The following ANKRD26 variants were observed in gnomAD, a reference collection of about 807,000 sequenced individuals.
ANKRD26 encodes the protein ankyrin repeat domain-containing protein 26.
In ANKRD26, 141 loss-of-function variants were observed where a neutral mutation model predicts 208.7. That is an observed-to-expected ratio of 0.68 (90% CI 0.59 to 0.78). The LOEUF is 0.78. ANKRD26 is among the 30% of genes least tolerant of loss of function. The pLI is 0.00. For missense variants in ANKRD26, 1,889 were observed against 1,938.7 expected (o/e 0.97, Z 0.48); for synonymous variants, 636 against 660.4 (o/e 0.96, Z 0.57).
chr10:27,018,285 C>G (rs1056464634), intron 29 of ANKRD26, among the ~76,000 whole-genome samples: 2 of 151,880 alleles, frequency 1.3e-5, no homozygotes, highest in African/African-American at 2.4e-5. Flanking sequence ...CAGGCACCCA[C>G]CACCAGGCCC....
downstream of ANKRD26, among the ~76,000 whole-genome samples, chr10:26,989,041 C>T (rs1465897272): frequency 6.6e-6 from 1 of 152,046 alleles, no homozygotes; most frequent in Non-Finnish European, 1.5e-5. Flanking sequence ...ATGATAGGGA[C>T]AATTCCATCT....
At chr10:26,989,629 A>G (rs2052450710), downstream of ANKRD26, among the ~76,000 whole-genome samples, 1 of 152,126 alleles carries the variant, frequency 6.6e-6, no homozygotes, top group Non-Finnish European at 1.5e-5. Context: ...GGGTTCCCCT[A>G]CCTGTTACTG....
At chr10:26,963,719 T>C in the ANKRD26 span, among the ~76,000 whole-genome samples, 38 of 152,044 alleles carry the variant, frequency 2.5e-4, no homozygotes, top group Admixed American at 2.3e-3. Flanking sequence ...TAACAGGGCA[T>C]AGTGTTTGCA....
the ANKRD26 span, among the ~76,000 whole-genome samples, chr10:26,952,687 A>T: frequency 6.6e-5 from 10 of 152,342 alleles, no homozygotes; most frequent in African/African-American, 2.4e-4. Flanking sequence ...CTAAGTAGGG[A>T]CAGCAGATGA....
chr10:26,949,864 T>C, the ANKRD26 span, among the ~76,000 whole-genome samples: 3 of 152,250 alleles, frequency 2.0e-5, no homozygotes, highest in Non-Finnish European at 4.4e-5. Flanking sequence ...GATGATAATA[T>C]GTCTTAAGCT....
At chr10:27,001,306 T>C (rs1483337555), downstream of ANKRD26, among the ~76,000 whole-genome samples, 2 of 152,070 alleles carry the variant, frequency 1.3e-5, no homozygotes, top group South Asian at 4.2e-4. Flanking sequence ...GCATCACTGA[T>C]GGAGTAATAT....
chr10:27,072,648 T>G, intron 9 of ANKRD26, among the ~76,000 whole-genome samples: 1 of 152,120 alleles, frequency 6.6e-6, no homozygotes, highest in Non-Finnish European at 1.5e-5. Flanking sequence ...AAGCGCCACC[T>G]CCTGGCTAAA....
chr10:27,098,478 A>C (rs190120929), intron 1 of ANKRD26, among the ~76,000 whole-genome samples: 16 of 152,336 alleles, frequency 1.1e-4, no homozygotes, highest in African/African-American at 3.8e-4. Flanking sequence ...ACTTTTATAC[A>C]TACTCATTGC....
At chr10:27,058,090 T>C (rs1185491600) in intron 15 of ANKRD26, among the ~76,000 whole-genome samples, 2 of 152,208 alleles carry the variant, frequency 1.3e-5, no homozygotes, top group Non-Finnish European at 1.5e-5. Context: ...TTTTCCTTTT[T>C]TCTTTATAAA....
intron 33 of ANKRD26, among the ~76,000 whole-genome samples, chr10:27,006,671 G>GA (rs2052894800): frequency 6.6e-6 from 1 of 150,510 alleles, no homozygotes; most frequent in African/African-American, 2.4e-5. Context: ...GGAAAAAAAA[G>GA]AGGTGCAAAG....
At chr10:26,978,032 A>G (rs570763301) in intron 5 of ANKRD26, among the ~76,000 whole-genome samples, 1 of 152,352 alleles carries the variant, frequency 6.6e-6, no homozygotes, top group African/African-American at 2.4e-5. Context: ...AGTTCTATGC[A>G]TGCCTGAATA....
the ANKRD26 span, among the ~76,000 whole-genome samples, chr10:26,951,302 G>A: frequency 5.3e-5 from 8 of 152,036 alleles, no homozygotes; most frequent in African/African-American, 1.9e-4. Flanking sequence ...ATCACTCACA[G>A]TTGAACTGAA....
the ANKRD26 span, among the ~76,000 whole-genome samples, chr10:26,958,385 C>A: frequency 2.0e-5 from 3 of 152,042 alleles, no homozygotes; most frequent in Non-Finnish European, 2.9e-5. Flanking sequence ...CGTGTTCAGC[C>A]CCGATCACCC....
chr10:27,049,143 T>C (rs1437214217), intron 16 of ANKRD26, among the ~76,000 whole-genome samples, 164 bp from the exon 17 acceptor site: 4 of 152,210 alleles, frequency 2.6e-5, no homozygotes, highest in Non-Finnish European at 5.9e-5. Flanking sequence ...ATAATTGTTA[T>C]ATAATTATCA....
chr10:26,972,234 CA>C (rs749010461), downstream of ANKRD26, among the ~76,000 whole-genome samples: 2,007 of 61,036 alleles, frequency 0.033, 25 homozygotes, highest in African/African-American at 0.095. Flanking sequence ...GACTCCGTCT[CA>C]AAAAAAAAAA....
intron 25 of ANKRD26, 32 bp downstream of exon 25, chr10:27,033,193 T>G (rs2053934442): frequency 1.3e-6 from 2 of 1,564,476 alleles, no homozygotes; most frequent in East Asian, 4.5e-5. Flanking sequence ...AGTTATAGAT[T>G]AACTGTTTGA....
At chr10:26,966,017 CT>C in the ANKRD26 span, among the ~76,000 whole-genome samples, 1 of 152,234 alleles carries the variant, frequency 6.6e-6, no homozygotes, top group South Asian at 2.1e-4. Context: ...AACAGGAAAA[CT>C]TTTACACTGT....
intron 1 of ANKRD26, among the ~76,000 whole-genome samples, chr10:27,097,319 CA>C (rs11347521): frequency 0.51 from 71,755 of 141,768 alleles, 19,948 homozygotes; most frequent in Non-Finnish European, 0.65. Flanking sequence ...ACTAGAAATA[CA>C]AAAAAAAAAA....
chr10:27,040,161 T>C lies in ANKRD26; in HGVS notation c.2179A>G (p.Lys727Glu), dbSNP rs1237992913. The C allele has an allele frequency of 6.2e-7, 1 of 1,611,746 alleles. No homozygotes were observed. The change falls in exon 21 of 34, where the codon AAA becomes GAA. Residue 727 changes from lysine to glutamate, a missense_variant. Lys to Glu is a moderately conservative substitution (Grantham distance 56). Transcript: ENST00000376087. ...MECKDSVSLL[K>E]IQDAALSCER... ...CATGAAAGAGCTGCATCCTGGATTTTCAATAGGCTAACAGAATCTGTATCA... is the reference window on the plus strand; with the variant it reads ...CATGAAAGAGCTGCATCCTGGATTTCCAATAGGCTAACAGAATCTGTATCA...
Sources: allele counts gnomAD v4.1 joint callset (sites outside exome capture counted in the v4.1 genomes callset), GRCh38; gene constraint gnomAD v4.1.1; transcripts MANE v1.5; gene names NCBI Gene and HGNC (gene_info 2026-07-23, HGNC 2026-07-21).